The following BCR variants were observed in gnomAD, a reference collection of about 807,000 sequenced individuals.
The protein encoded by BCR is BCR activator of RhoGEF and GTPase.
Under a neutral mutation model 138.6 loss-of-function variants are expected in BCR, and 58 were observed. The ratio of observed to expected loss-of-function variants is 0.42; its 90% CI spans 0.34 to 0.52. The LOEUF is 0.52. BCR is among the 20% of genes least tolerant of loss of function. BCR has a pLI of 0.06. For synonymous variants in BCR, 786 were observed against 730.1 expected (o/e 1.08, Z -1.23); for missense variants, 1,599 against 1,727.2 (o/e 0.93, Z 1.32).
At chr22:23,206,400 A>C (rs141554294) in intron 1 of BCR, among the ~76,000 whole-genome samples, 1,585 of 152,080 alleles carry the variant, frequency 0.01, 24 homozygotes, top group African/African-American at 0.034. Flanking sequence ...CGGTGAAACC[A>C]TGTCTCTACT....
At chr22:23,198,037 G>A (rs2072503472) in intron 1 of BCR, among the ~76,000 whole-genome samples, 1 of 152,140 alleles carries the variant, frequency 6.6e-6, no homozygotes, top group Non-Finnish European at 1.5e-5. Context: ...CAGGCCCTTG[G>A]GCCTTGCGTC....
Position 23,182,051 on chromosome 22 carries a change from G to T in BCR, c.1091G>T (p.Arg364Leu). Residue 364 changes from arginine to leucine, a missense_variant, in exon 1 of 23, where the codon CGG (arginine) becomes CTG (leucine). Transcript: ENST00000305877. ...AGCCCCACCACCTACCGCATGTTCC[G>T]GGACAAAAGCCGCTCTCCCTCGCAG... Reference protein sequence around the residue: ...SPSPTTYRMFRDKSRSPSQNS... With the variant: ...SPSPTTYRMFLDKSRSPSQNS... 3 of 1,613,612 alleles carry T rather than the reference G, an allele frequency of 1.9e-6. No homozygotes were observed. The highest frequency in any genetic ancestry group is 2.5e-6 in the Non-Finnish European group (3 of 1,179,968).
chr22:23,247,421 A>G (rs956584256), intron 1 of BCR, among the ~76,000 whole-genome samples: 2 of 152,148 alleles, frequency 1.3e-5, no homozygotes, highest in Non-Finnish European at 2.9e-5. Context: ...AATTCCTCCC[A>G]GTGCCCCTTT....
At chr22:23,290,501 A>G (rs2073773674) in intron 14 of BCR, 88 bp downstream of exon 14, 2 of 1,384,350 alleles carry the variant, frequency 1.4e-6, no homozygotes, top group South Asian at 2.3e-5. Context: ...GTGGGGAAAC[A>G]GGGAGGTTGT....
intron 1 of BCR, among the ~76,000 whole-genome samples, chr22:23,189,909 G>A (rs916404399): frequency 1.3e-5 from 2 of 152,166 alleles, no homozygotes; most frequent in Non-Finnish European, 2.9e-5. Flanking sequence ...GGGCCTTCAC[G>A]CCCTTAGCTT....
chr22:23,290,285 C>T (rs2073770381), intron 13 of BCR, 54 bp from the exon 14 acceptor site: 4 of 1,551,086 alleles, frequency 2.6e-6, no homozygotes, highest in East Asian at 2.2e-5. Flanking sequence ...TAGCTTGTCA[C>T]CTGCCTCCCT....
chr22:23,263,486 G>A, intron 4 of BCR: 1 of 1,547,190 alleles, frequency 6.5e-7, no homozygotes, highest in Non-Finnish European at 8.9e-7. Flanking sequence ...AGATGCCCTG[G>A]ATGCAGCTAG....
At chr22:23,220,203 G>T (rs1420884910) in intron 1 of BCR, among the ~76,000 whole-genome samples, 2 of 152,214 alleles carry the variant, frequency 1.3e-5, no homozygotes, top group Non-Finnish European at 2.9e-5. Context: ...GGACCAACAG[G>T]ATCTACCTCC....
At chr22:23,222,580 G>GGC (rs946468106) in intron 1 of BCR, among the ~76,000 whole-genome samples, 12 of 152,208 alleles carry the variant, frequency 7.9e-5, no homozygotes, top group African/African-American at 2.9e-4. Flanking sequence ...TGTGGCAAAG[G>GGC]GCGAAGGGTA....
At chr22:23,220,672 TG>T (rs2072814535) in intron 1 of BCR, among the ~76,000 whole-genome samples, 2 of 152,180 alleles carry the variant, frequency 1.3e-5, no homozygotes, top group African/African-American at 4.8e-5. Flanking sequence ...AGCATGCTTC[TG>T]GGATATGATG....
chr22:23,210,079 A>G (rs760042940), intron 1 of BCR, among the ~76,000 whole-genome samples: 10 of 152,234 alleles, frequency 6.6e-5, no homozygotes, highest in Non-Finnish European at 1.3e-4. Flanking sequence ...TATGGGTTGA[A>G]GGTAAAACAA....
intron 14 of BCR, chr22:23,290,865 C>T (rs986083073): frequency 9.3e-6 from 2 of 214,078 alleles, no homozygotes; most frequent in African/African-American, 2.2e-5. Context: ...CCCCCAGCTA[C>T]TGGAGCTGTC....
At chr22:23,241,974 G>A (rs1384332239) in intron 1 of BCR, among the ~76,000 whole-genome samples, 2 of 152,068 alleles carry the variant, frequency 1.3e-5, no homozygotes, top group African/African-American at 4.8e-5. Flanking sequence ...CCCTTTCCCA[G>A]CTGTACCCCC....
rs1354676792 is a variant in BCR, at chr22:23,283,959, C to G, written c.2116-18C>G. 4.4e-6 allele frequency: 7 copies of G among 1,579,484 alleles called. No homozygotes were observed. The highest frequency in any genetic ancestry group is 6.0e-6 in the Non-Finnish European group (7 of 1,162,290). On this transcript the variant is annotated intron_variant, in intron 8 of 22. Transcript: ENST00000305877. ...CACCCCAGGCTGGCCCTGACCCCAG[C>G]CTTCCCTGTGCCTGCAGCACCGGCA...
At chr22:23,243,561 C>T (rs560324378) in intron 1 of BCR, among the ~76,000 whole-genome samples, 2 of 152,186 alleles carry the variant, frequency 1.3e-5, no homozygotes, top group East Asian at 1.9e-4. Context: ...AGCCCTCTTC[C>T]GTTTGGCTTT....
At chr22:23,306,009 T>G (rs1213131632) in intron 16 of BCR, 1 of 152,230 alleles carries the variant, frequency 6.6e-6, no homozygotes, top group African/African-American at 2.4e-5. Flanking sequence ...GAGCAATGTT[T>G]GGGATTGGCT....
intron 13 of BCR, chr22:23,290,035 C>T: frequency 1.9e-6 from 1 of 527,816 alleles, no homozygotes; most frequent in Non-Finnish European, 3.5e-6. Context: ...ATACGCTATG[C>T]ACATGTGTCC....
chr22:23,300,223 C>T (rs2073889377), intron 16 of BCR, among the ~76,000 whole-genome samples: 1 of 152,158 alleles, frequency 6.6e-6, no homozygotes, highest in South Asian at 2.1e-4. Context: ...CCTCCTGCCC[C>T]CAGCTCCTGT....
intron 1 of BCR, among the ~76,000 whole-genome samples, chr22:23,215,622 G>T (rs184124547): frequency 8.2e-4 from 125 of 152,322 alleles, no homozygotes; most frequent in East Asian, 6.6e-3. Context: ...AATTCCATCT[G>T]CTGATGGGGA....
Sources: allele counts gnomAD v4.1 joint callset (sites outside exome capture counted in the v4.1 genomes callset), GRCh38; gene constraint gnomAD v4.1.1; transcripts MANE v1.5; gene names NCBI Gene and HGNC (gene_info 2026-07-23, HGNC 2026-07-21).